EPSTI1: variants seen among roughly 807,000 people sequenced by gnomAD.
The protein encoded by EPSTI1 is epithelial-stromal interaction protein 1.
A neutral mutation model predicts 49.9 loss-of-function variants in EPSTI1; 66 were observed. That is an observed-to-expected ratio of 1.32 (90% CI 1.08 to 1.62). The LOEUF is 1.62. Among genes scored for constraint, EPSTI1 ranks in the 40% most tolerant of loss-of-function variants. The pLI is 0.00. For missense variants in EPSTI1, 394 were observed against 365.5 expected, an observed-to-expected ratio of 1.08 and a Z score of -0.64; for synonymous variants, 137 against 130.7, an observed-to-expected ratio of 1.05 and a Z score of -0.33.
chr13:42,939,149 G>C (rs1283126510), intron 6 of EPSTI1, among the ~76,000 whole-genome samples: 1 of 152,106 alleles, frequency 6.6e-6, no homozygotes, highest in Non-Finnish European at 1.5e-5. Flanking sequence ...AACAGTGTTA[G>C]GGCCTTGCTC....
intron 7 of EPSTI1, among the ~76,000 whole-genome samples, chr13:42,921,691 C>CT (rs2038000037): frequency 6.6e-6 from 1 of 152,132 alleles, no homozygotes; most frequent in Non-Finnish European, 1.5e-5. Context: ...AGCAGGCTCT[C>CT]TGGAGGTGCA....
At chr13:42,924,139 G>T (rs949777275) in intron 7 of EPSTI1, among the ~76,000 whole-genome samples, 2 of 152,204 alleles carry the variant, frequency 1.3e-5, no homozygotes, top group African/African-American at 4.8e-5. Context: ...AGCATTCTCA[G>T]AAGAATTCTA....
intron 8 of EPSTI1, among the ~76,000 whole-genome samples, chr13:42,905,239 C>A (rs1261887053): frequency 6.6e-6 from 1 of 152,038 alleles, no homozygotes; most frequent in Non-Finnish European, 1.5e-5. Context: ...GAGATAAAGA[C>A]CAGGAGGGAA....
chr13:42,901,690 T>A (rs2037356912), intron 8 of EPSTI1, among the ~76,000 whole-genome samples: 1 of 152,200 alleles, frequency 6.6e-6, no homozygotes. Flanking sequence ...GTCTCCACAA[T>A]CATTTTCAAT....
At chr13:42,917,084 G>A (rs745540929) in intron 8 of EPSTI1, among the ~76,000 whole-genome samples, 8 of 152,282 alleles carry the variant, frequency 5.3e-5, no homozygotes, top group Non-Finnish European at 8.8e-5. Flanking sequence ...CCCATGTAGT[G>A]TAACTTGGTT....
intron 6 of EPSTI1, among the ~76,000 whole-genome samples, chr13:42,931,963 TTTTTTG>T (rs1398422876): frequency 6.6e-6 from 1 of 152,164 alleles, no homozygotes; most frequent in Non-Finnish European, 1.5e-5. Context: ...AGATATGCAA[TTTTTTG>T]TTTTTGTTTC....
Position 42,974,395 on chromosome 13 carries a change from C to T in EPSTI1, c.189-3725G>A, listed in dbSNP as rs1361398594. 4.0e-5 allele frequency among the ~76,000 whole-genome samples: 6 copies of T among 151,604 alleles called. No homozygotes were observed. The South Asian group carries it at 1.0e-3, about 26-fold the overall frequency. ...TTTCCTGGCCGGGCGCGGTGGCTCA[C>T]GCCTGTAATCCCAGCACTTTGGGAG... On this transcript the variant is annotated intron_variant, in intron 1 of 10. Coordinates refer to ENST00000313624, the MANE Select transcript of EPSTI1 (RefSeq NM_033255.5).
At chr13:42,920,385 G>A (rs1372216370) in intron 7 of EPSTI1, among the ~76,000 whole-genome samples, 1 of 152,092 alleles carries the variant, frequency 6.6e-6, no homozygotes, top group East Asian at 1.9e-4. Context: ...AATCTATGAA[G>A]ACCAAGTAGA....
chr13:42,980,368 T>C (rs747580181), intron 1 of EPSTI1, among the ~76,000 whole-genome samples: 64 of 152,270 alleles, frequency 4.2e-4, no homozygotes, highest in Non-Finnish European at 5.0e-4. Context: ...AAAGACATAC[T>C]TGAGACTGGG....
Position 42,935,114 on chromosome 13 carries a change from C to T in EPSTI1, c.564-8685G>A, listed in dbSNP as rs112919234. 3.7e-3 allele frequency among the ~76,000 whole-genome samples: 558 copies of T among 152,232 alleles called. 2 individuals are homozygous for T. The highest frequency in any genetic ancestry group is 0.013 in the African/African-American group (543 of 41,536). On this transcript the variant is annotated intron_variant, in intron 6 of 10. Coordinates refer to ENST00000313624, the MANE Select transcript of EPSTI1 (RefSeq NM_033255.5). ...GACATTGTTGTCATGAATAAATGTC[C>T]TCTCTCCAAATTATCTGACAAATTC...
chr13:42,938,964 G>A (rs1418507960), intron 6 of EPSTI1, among the ~76,000 whole-genome samples: 2 of 139,244 alleles, frequency 1.4e-5, no homozygotes, highest in Non-Finnish European at 3.1e-5. Flanking sequence ...CTTCATCAAT[G>A]ATCTTAACTA....
intron 6 of EPSTI1, among the ~76,000 whole-genome samples, 177 bp downstream of exon 6, chr13:42,953,771 G>T (rs1256804075): frequency 6.6e-6 from 1 of 152,108 alleles, no homozygotes; most frequent in Non-Finnish European, 1.5e-5. Context: ...AGGATACTTT[G>T]GTGAGTAGAC....
intron 9 of EPSTI1, among the ~76,000 whole-genome samples, chr13:42,899,106 G>C (rs1313176761): frequency 6.6e-6 from 1 of 151,662 alleles, no homozygotes; most frequent in Non-Finnish European, 1.5e-5. Context: ...GCTGAGGCAG[G>C]AGAGTCACTT....
chr13:42,965,758 T>C (rs2039593007), intron 3 of EPSTI1, among the ~76,000 whole-genome samples: 1 of 7,194 alleles, frequency 1.4e-4, no homozygotes, highest in African/African-American at 2.3e-4. Flanking sequence ...CGTCTCCCTC[T>C]CCCTCTCCCT....
chr13:42,891,696 T>C (rs1285900744), intron 10 of EPSTI1, among the ~76,000 whole-genome samples: 1 of 152,212 alleles, frequency 6.6e-6, no homozygotes, highest in Non-Finnish European at 1.5e-5. Context: ...AGTCTTTCTA[T>C]TGTGTTTGTG....
At chr13:42,925,398 CA>C (rs1312858584) in intron 7 of EPSTI1, among the ~76,000 whole-genome samples, 1 of 152,120 alleles carries the variant, frequency 6.6e-6, no homozygotes, top group Admixed American at 6.5e-5. Context: ...GCACCATGAG[CA>C]CGCAGTATGC....
chr13:42,975,816 CA>C (rs34037470), intron 1 of EPSTI1, among the ~76,000 whole-genome samples: 1 of 151,090 alleles, frequency 6.6e-6, no homozygotes, highest in African/African-American at 2.4e-5. Flanking sequence ...AAAAGCCACA[CA>C]AAAAAAAGTT....
At chr13:42,902,776 C>A (rs189625545) in intron 8 of EPSTI1, among the ~76,000 whole-genome samples, 1 of 152,264 alleles carries the variant, frequency 6.6e-6, no homozygotes, top group Non-Finnish European at 1.5e-5. Context: ...GGATCAGAGA[C>A]ACAGTTTTAG....
At chr13:42,959,653 A>G (rs1337744892) in intron 5 of EPSTI1, among the ~76,000 whole-genome samples, 2 of 152,194 alleles carry the variant, frequency 1.3e-5, no homozygotes, top group Non-Finnish European at 2.9e-5. Context: ...TCTGCATGAA[A>G]CACTGTGACT....
Sources: gnomAD v4.1 joint callset for allele counts (sites outside exome capture counted in the v4.1 genomes callset) on GRCh38, gnomAD v4.1.1 for gene constraint, MANE v1.5 for transcripts, NCBI Gene and HGNC (gene_info 2026-07-23, HGNC 2026-07-21) for gene names.